CYB5R4: variants seen among roughly 807,000 people sequenced by gnomAD.
CYB5R4 encodes the protein N-terminal cytochrome b5 and cytochrome b5 oxidoreductase domain-containing protein.
A neutral mutation model predicts 70.2 loss-of-function variants in CYB5R4; 55 were observed. The observed-to-expected ratio is 0.78, with a 90% confidence interval of 0.63 to 0.98. The LOEUF is 0.98. Among genes scored for constraint, CYB5R4 ranks in the 50% least tolerant of loss-of-function variants. CYB5R4 has a pLI of 0.00. For synonymous variants in CYB5R4, 197 were observed against 199.5 expected (o/e 0.99, Z 0.11); for missense variants, 562 against 612.6 (o/e 0.92, Z 0.87).
chr6:83,922,787 C>T (rs1445004917), intron 9 of CYB5R4, among the ~76,000 whole-genome samples: 1 of 151,778 alleles, frequency 6.6e-6, no homozygotes, highest in Non-Finnish European at 1.5e-5. Flanking sequence ...TTTTCTTCCC[C>T]TTATTCCTTT....
intron 2 of CYB5R4, among the ~76,000 whole-genome samples, chr6:83,891,077 G>T (rs942548795): frequency 2.6e-5 from 4 of 151,940 alleles, no homozygotes; most frequent in Non-Finnish European, 5.9e-5. Flanking sequence ...CAAGTAGCAG[G>T]GGGACTACAG....
rs988402438 is a variant in CYB5R4, at chr6:83,903,532, T to A, written c.331-5477T>A. On this transcript the variant is annotated intron_variant, in intron 3 of 15. Transcript: ENST00000369681. ...TTACTTGGTTTTGGTATCAGGGTAA[T>A]GCTGGCCTTGTAGAATAAATTGGGG... 3.3e-5 allele frequency among the ~76,000 whole-genome samples: 5 copies of A among 152,068 alleles called. No individual in the cohort carries two copies. The South Asian group carries it at 6.2e-4, about 19-fold the overall frequency.
At chr6:83,948,938 C>G (rs2099471095) in intron 14 of CYB5R4, among the ~76,000 whole-genome samples, 2 of 151,954 alleles carry the variant, frequency 1.3e-5, no homozygotes, top group African/African-American at 4.8e-5. Flanking sequence ...TCTGGCCTGC[C>G]TTTATCCTCC....
Position 83,909,027 on chromosome 6 carries a change from T to C in CYB5R4, c.349T>C (p.Tyr117His), listed in dbSNP as rs773513768. Residue 117 changes from tyrosine (Y) to histidine (H), a missense_variant, in exon 4 of 16, where the codon TAT (tyrosine) becomes CAT (histidine). Coordinates refer to ENST00000369681, the MANE Select transcript of CYB5R4 (RefSeq NM_016230.4). ...LFDQVHRWVN[Y>H]ESMLKECLVG... is the part of the protein sequence containing the mutation. ...ATACCAGGTTCATCGTTGGGTCAAT[T>C]ATGAATCCATGCTGAAAGAATGCCT... 6.2e-7 allele frequency: 1 copy of C among 1,613,866 alleles called. No individual in the cohort carries two copies. Among genetic ancestry groups the C allele is most frequent in the South Asian group, 1.1e-5 (1 of 91,058 alleles).
chr6:83,862,411 A>G (rs917961860), intron 1 of CYB5R4, among the ~76,000 whole-genome samples: 3 of 152,256 alleles, frequency 2.0e-5, no homozygotes, highest in African/African-American at 7.2e-5. Context: ...CATAAGTACT[A>G]CAACAGGGTG....
intron 2 of CYB5R4, among the ~76,000 whole-genome samples, chr6:83,876,662 C>CTTCAGCTTATA (rs1349409193): frequency 6.6e-6 from 1 of 151,944 alleles, no homozygotes; most frequent in African/African-American, 2.4e-5. Flanking sequence ...ATTCATTTTA[C>CTTCAGCTTATA]TTCTATATAA....
chr6:83,886,532 G>A (rs1015707442), intron 2 of CYB5R4, among the ~76,000 whole-genome samples: 2 of 152,156 alleles, frequency 1.3e-5, no homozygotes, highest in Non-Finnish European at 2.9e-5. Flanking sequence ...TAGTCACAAA[G>A]ACCACATATT....
chr6:83,930,204 G>A (rs930693241), intron 10 of CYB5R4, among the ~76,000 whole-genome samples: 1 of 152,124 alleles, frequency 6.6e-6, no homozygotes, highest in African/African-American at 2.4e-5. Flanking sequence ...ACTGATTAGG[G>A]TGGTGGTTGC....
intron 2 of CYB5R4, among the ~76,000 whole-genome samples, chr6:83,879,035 T>C (rs2099459041): frequency 6.6e-6 from 1 of 152,138 alleles, no homozygotes. Context: ...GTAAGACTTG[T>C]AGTGGGGGCA....
intron 3 of CYB5R4, among the ~76,000 whole-genome samples, chr6:83,905,398 G>A (rs1036455168): frequency 6.6e-6 from 1 of 152,092 alleles, no homozygotes; most frequent in African/African-American, 2.4e-5. Flanking sequence ...TCCTGTAGAT[G>A]TATCTGTGAT....
At chr6:83,941,366 A>G (rs933602684) in intron 14 of CYB5R4, among the ~76,000 whole-genome samples, 21 of 152,376 alleles carry the variant, frequency 1.4e-4, no homozygotes, top group Admixed American at 5.2e-4. Flanking sequence ...AGTGAATTCA[A>G]TAAGTTATCA....
At chr6:83,877,815 G>GT (rs776848631) in intron 2 of CYB5R4, among the ~76,000 whole-genome samples, 35 of 152,214 alleles carry the variant, frequency 2.3e-4, no homozygotes, top group Non-Finnish European at 4.9e-4. Context: ...TTTCTTTTAG[G>GT]TTTTTAGCAG....
chr6:83,911,925 T>C (rs2099464754), intron 4 of CYB5R4, among the ~76,000 whole-genome samples: 1 of 151,732 alleles, frequency 6.6e-6, no homozygotes, highest in Admixed American at 6.6e-5. Flanking sequence ...GGCCTAGTGG[T>C]GCATGCCTGT....
At chr6:83,901,241 A>G (rs903180270) in intron 3 of CYB5R4, among the ~76,000 whole-genome samples, 1 of 152,198 alleles carries the variant, frequency 6.6e-6, no homozygotes, top group African/African-American at 2.4e-5. Flanking sequence ...TTGGCTGGAT[A>G]TGAAATTGTG....
At chr6:83,898,762 G>C (rs374613798) in intron 3 of CYB5R4, among the ~76,000 whole-genome samples, 1 of 151,918 alleles carries the variant, frequency 6.6e-6, no homozygotes, top group East Asian at 1.9e-4. Flanking sequence ...TTGGCTCTCT[G>C]TTTGTCTGTT....
intron 2 of CYB5R4, among the ~76,000 whole-genome samples, chr6:83,889,015 A>G (rs546651019): frequency 1.3e-5 from 2 of 152,376 alleles, no homozygotes; most frequent in East Asian, 3.9e-4. Context: ...TTAGAGCAGA[A>G]TGCTAACTGT....
In CYB5R4 at chr6:83,961,188, G is replaced by A. The variant is rs1222712139; in HGVS notation, c.*1310G>A. 6.6e-6 allele frequency: 1 copy of A among 152,128 alleles called. No individual in the cohort carries two copies. The highest frequency in any genetic ancestry group is 1.9e-4 in the East Asian group (1 of 5,192). The allele number at this position is 152,128 out of a possible 1,614,324, so 9.4% of individuals were successfully genotyped here. On this transcript the variant is annotated 3_prime_UTR_variant, in exon 16 of 16. Coordinates refer to ENST00000369681, the MANE Select transcript of CYB5R4 (RefSeq NM_016230.4). ...TGGTTGAACACTATCACTTTTTCCTGTGCCTCTGTCTTCTGTAGCCAATTC... is the reference window on the plus strand; with the variant it reads ...TGGTTGAACACTATCACTTTTTCCTATGCCTCTGTCTTCTGTAGCCAATTC...
In CYB5R4 at chr6:83,940,038, T is replaced by G. The variant is rs201107711; in HGVS notation, c.1109-18T>G. On this transcript the variant is annotated intron_variant, in intron 12 of 15. Coordinates refer to ENST00000369681, the MANE Select transcript of CYB5R4 (RefSeq NM_016230.4). ...TTGTTTTTTTTTTTTCTGATTTAGC[T>G]TATGTTTCATTGTTTAGGAGATTTT... is the stretch of plus-strand genomic sequence containing the variant. 7.3e-5 allele frequency: 109 copies of G among 1,494,708 alleles called. No individual in the cohort carries two copies. The African/African-American group carries it at 1.3e-3, about 18-fold the overall frequency. 92.6% of individuals were successfully genotyped at this position (1,494,708 alleles called of 1,614,324 possible).
intron 8 of CYB5R4, among the ~76,000 whole-genome samples, 186 bp from the exon 9 acceptor site, chr6:83,922,252 A>C (rs962094826): frequency 1.4e-4 from 21 of 152,222 alleles, no homozygotes; most frequent in African/African-American, 5.1e-4. Flanking sequence ...AAACAATTGA[A>C]AATGTATGTA....
Sources: allele counts gnomAD v4.1 joint callset (sites outside exome capture counted in the v4.1 genomes callset), GRCh38; gene constraint gnomAD v4.1.1; transcripts MANE v1.5; gene names NCBI Gene and HGNC (gene_info 2026-07-23, HGNC 2026-07-21).